Variants in KSR2 observed in about 807,000 individuals in gnomAD.
The protein encoded by KSR2 is kinase suppressor of ras 2.
Under a neutral mutation model 107.8 loss-of-function variants are expected in KSR2, and 25 were observed. The ratio of observed to expected loss-of-function variants is 0.23; its 90% CI spans 0.17 to 0.32. The LOEUF (loss-of-function observed/expected upper bound fraction) is 0.32, where lower values mean the gene tolerates loss of function less well. Ranked by LOEUF, KSR2 falls within the 10% of genes least tolerant of loss-of-function variation. KSR2 has a pLI of 1.00. For synonymous variants in KSR2, 480 were observed against 507.0 expected, an observed-to-expected ratio of 0.95 and a Z score of 0.71; for missense variants, 887 against 1,268.9, an observed-to-expected ratio of 0.70 and a Z score of 4.57.
intron 5 of KSR2, among the ~76,000 whole-genome samples, chr12:117,662,433 A>G (rs914105552): frequency 6.6e-6 from 1 of 151,994 alleles, no homozygotes; most frequent in African/African-American, 2.4e-5. Flanking sequence ...ATCAGTCTTT[A>G]TTGCTACCTG....
chr12:117,877,513 T>C (rs778215691), intron 1 of KSR2, among the ~76,000 whole-genome samples: 22 of 152,220 alleles, frequency 1.4e-4, no homozygotes, highest in Non-Finnish European at 2.8e-4. Context: ...TATTATACAA[T>C]ATATTCATAA....
intron 1 of KSR2, among the ~76,000 whole-genome samples, chr12:117,869,624 T>G (rs532899207): frequency 6.6e-6 from 1 of 152,362 alleles, no homozygotes; most frequent in African/African-American, 2.4e-5. Context: ...CAGCATGCAC[T>G]TTTGTGCACT....
intron 4 of KSR2, among the ~76,000 whole-genome samples, chr12:117,740,491 T>A (rs1427164834): frequency 7.5e-6 from 1 of 133,812 alleles, no homozygotes; most frequent in African/African-American, 2.8e-5. Context: ...ATATAATATA[T>A]ATGTTATATA....
intron 14 of KSR2, among the ~76,000 whole-genome samples, chr12:117,491,525 C>T (rs975797386): frequency 6.6e-6 from 1 of 152,136 alleles, no homozygotes; most frequent in Non-Finnish European, 1.5e-5. Flanking sequence ...AGCATAATGT[C>T]CTCTAGGTTC....
chr12:117,742,280 G>A (rs1593190796), intron 4 of KSR2, among the ~76,000 whole-genome samples: 1 of 152,250 alleles, frequency 6.6e-6, no homozygotes, highest in East Asian at 1.9e-4. Flanking sequence ...CACTATCAAG[G>A]GTGTTATTGG....
Position 117,809,680 on chromosome 12 carries a change from G to GCTGTCTGT in KSR2, c.472+45747_472+45748insACAGACAG, listed in dbSNP as rs556912688. Among the ~76,000 whole-genome samples, 12 of 152,280 alleles carry GCTGTCTGT rather than the reference G, an allele frequency of 7.9e-5. No homozygotes were observed. The East Asian group carries it at 2.1e-3, about 27-fold the overall frequency. On this transcript the variant is annotated intron_variant, in intron 3 of 19. Transcript: ENST00000339824. ...TATGAATCAGTTGACTGGTTTGCTGGCTGTCTCCCCAGCTTGCACGTAAGT... is the reference window on the plus strand; with the variant it reads ...TATGAATCAGTTGACTGGTTTGCTGGCTGTCTGTCTGTCTCCCCAGCTTGCACGTAAGT...
rs11068551 is a variant in KSR2, at chr12:117,582,310, G to A, written c.1221C>T (p.Leu407=). 761,259 of 1,612,210 alleles carry A rather than the reference G, an allele frequency of 0.47. 184,969 individuals are homozygous for A. Among genetic ancestry groups the A allele is most frequent in the East Asian group, 0.54 (24,266 of 44,832 alleles). The change falls in exon 6 of 20, where the codon CTC becomes CTT. Residue 407 remains leucine (L), a synonymous_variant. Transcript: ENST00000339824. The part of the protein sequence containing the change: ...RWSPQIPRRD[L]GNSIKHRFST... ...CCTACCTGTGCTTGATGGAGTTGCC[G>A]AGATCTCTGCGAGGGATCTGCGGGG...
intron 1 of KSR2, among the ~76,000 whole-genome samples, chr12:117,923,312 G>A (rs1366562727): frequency 6.6e-6 from 1 of 152,094 alleles, no homozygotes; most frequent in African/African-American, 2.4e-5. Context: ...AGGGCCAAAG[G>A]CTTGCAGAAA....
chr12:117,775,703 AG>A (rs565336677), intron 3 of KSR2, among the ~76,000 whole-genome samples: 100 of 152,302 alleles, frequency 6.6e-4, no homozygotes, highest in African/African-American at 2.2e-3. Flanking sequence ...AGACAGAGAG[AG>A]GAGTAGAAAC....
intron 1 of KSR2, among the ~76,000 whole-genome samples, chr12:117,887,436 G>C (rs967674322): frequency 1.6e-4 from 24 of 152,164 alleles, no homozygotes; most frequent in African/African-American, 5.8e-4. Flanking sequence ...CTAAGAATCA[G>C]GCCAGGAGGG....
chr12:117,677,599 T>C (rs1280715141), intron 4 of KSR2, among the ~76,000 whole-genome samples: 2 of 152,172 alleles, frequency 1.3e-5, no homozygotes, highest in Non-Finnish European at 2.9e-5. Flanking sequence ...AGTACCCTTG[T>C]CTCAAGGGAT....
intron 4 of KSR2, among the ~76,000 whole-genome samples, chr12:117,695,778 C>A (rs140708708): frequency 6.6e-6 from 1 of 151,532 alleles, no homozygotes; most frequent in African/African-American, 2.4e-5. Context: ...AAGGGGATAA[C>A]CCACTCTCTG....
At chr12:117,898,354 C>G (rs138523298) in intron 1 of KSR2, among the ~76,000 whole-genome samples, 5,197 of 148,022 alleles carry the variant, frequency 0.035, 147 homozygotes, top group East Asian at 0.16. Context: ...TTTTTTGAGA[C>G]AGGGTCTTGC....
intron 4 of KSR2, among the ~76,000 whole-genome samples, chr12:117,693,398 G>A (rs1196894036): frequency 6.6e-6 from 1 of 152,192 alleles, no homozygotes; most frequent in African/African-American, 2.4e-5. Context: ...TGGAAGCCTA[G>A]AGGATTGTGC....
At chr12:117,484,993 A>T (rs1376096076) in intron 15 of KSR2, among the ~76,000 whole-genome samples, 3 of 152,234 alleles carry the variant, frequency 2.0e-5, no homozygotes, top group African/African-American at 4.8e-5. Flanking sequence ...AAGAACACAC[A>T]GAAGAGTCTA....
chr12:117,793,016 GCA>G (rs1352830318), intron 3 of KSR2, among the ~76,000 whole-genome samples: 1 of 140,278 alleles, frequency 7.1e-6, no homozygotes, highest in Non-Finnish European at 1.5e-5. Context: ...CCAACAGTAC[GCA>G]CTCTCACATC....
intron 5 of KSR2, among the ~76,000 whole-genome samples, chr12:117,658,752 G>A (rs1884293678): frequency 6.6e-6 from 1 of 152,122 alleles, no homozygotes; most frequent in South Asian, 2.1e-4. Flanking sequence ...AGAGGACCAG[G>A]CTTGTTGGGG....
At chr12:117,485,940 T>C (rs913880223) in intron 14 of KSR2, among the ~76,000 whole-genome samples, 1 of 152,206 alleles carries the variant, frequency 6.6e-6, no homozygotes, top group African/African-American at 2.4e-5. Context: ...GAATCTAGCC[T>C]AGTCCAGAAA....
At chr12:117,494,777 G>T (rs1872933027) in intron 14 of KSR2, among the ~76,000 whole-genome samples, 2 of 152,174 alleles carry the variant, frequency 1.3e-5, no homozygotes, top group Non-Finnish European at 2.9e-5. Flanking sequence ...GGAGTTGGGG[G>T]CATCTTTAGC....
Sources: gnomAD v4.1 joint callset for allele counts (sites outside exome capture counted in the v4.1 genomes callset) on GRCh38, gnomAD v4.1.1 for gene constraint, MANE v1.5 for transcripts, NCBI Gene and HGNC (gene_info 2026-07-23, HGNC 2026-07-21) for gene names.